CD3G: variants seen among roughly 807,000 people sequenced by gnomAD.
CD3G encodes the protein CD3 gamma subunit of T-cell receptor complex.
In CD3G, 24 loss-of-function variants were observed where a neutral mutation model predicts 28.3. That is an observed-to-expected ratio of 0.85 (90% CI 0.61 to 1.19). CD3G has a LOEUF of 1.19. CD3G is among the 50% of genes most tolerant of loss of function. The probability of loss-of-function intolerance (pLI) is 0.00; values close to 1 mark genes in which losing one functional copy is unlikely to be tolerated. For missense variants in CD3G, 211 were observed against 210.0 expected (o/e 1.00, Z -0.03); for synonymous variants, 71 against 75.9 (o/e 0.93, Z 0.34).
Position 118,349,742 on chromosome 11 carries a change from G to A in CD3G, c.80-1G>A. The A allele has an allele frequency of 2.5e-6, 4 of 1,612,016 alleles. No homozygotes were observed. Among genetic ancestry groups the A allele is most frequent in the Non-Finnish European group, 3.4e-6 (4 of 1,178,180 alleles). ...TAGAACCACGGCTTTTCTCATTTCA[G>A]GAAACCACTTGGTTAAGGTGTATGA... is the stretch of plus-strand genomic sequence containing the variant. On this transcript the variant is annotated splice_acceptor_variant, in intron 2 of 6. Transcript: ENST00000532917. LOFTEE classifies it high-confidence loss of function.
At chr11:118,348,912 T>C in intron 1 of CD3G, 115 bp from the exon 2 acceptor site, 1 of 1,199,914 alleles carries the variant, frequency 8.3e-7, no homozygotes, top group Non-Finnish European at 1.2e-6. Context: ...GATACTACCA[T>C]TTTCATGGAT....
intron 3 of CD3G, 31 bp from the exon 4 acceptor site, chr11:118,350,521 C>T: frequency 6.4e-7 from 1 of 1,558,010 alleles, no homozygotes; most frequent in East Asian, 2.2e-5. Context: ...ACTTTCGCAA[C>T]CTGAAGGTTT....
At chr11:118,349,371 C>T in intron 2 of CD3G, 1 of 1,105,682 alleles carries the variant, frequency 9.0e-7, no homozygotes. Flanking sequence ...CAATCCTTCT[C>T]TTTAGTTCAT....
rs1051979802 is a variant in CD3G, at chr11:118,349,505, T to C, written c.80-238T>C. On this transcript the variant is annotated intron_variant, in intron 2 of 6. Coordinates refer to ENST00000532917, the MANE Select transcript of CD3G (RefSeq NM_000073.3). ...TACCCCTACTAATTACAGCAATGTC[T>C]CTTTTATTCTTCACCCCCTGACGCA... 6 of 609,208 alleles carry C rather than the reference T, an allele frequency of 9.8e-6. No individual in the cohort carries two copies. The African/African-American group carries it at 1.1e-4, about 11-fold the overall frequency. 37.7% of individuals were successfully genotyped at this position (609,208 alleles called of 1,614,324 possible).
chr11:118,348,567 T>C (rs1023745512), intron 1 of CD3G, among the ~76,000 whole-genome samples: 1 of 152,134 alleles, frequency 6.6e-6, no homozygotes, highest in African/African-American at 2.4e-5. Context: ...TTTATTGAGG[T>C]ATCTTTACAT....
chr11:118,352,745 TC>T (rs1948421476), intron 6 of CD3G, among the ~76,000 whole-genome samples: 1 of 152,250 alleles, frequency 6.6e-6, no homozygotes, highest in Non-Finnish European at 1.5e-5. Context: ...TGAATATTAA[TC>T]TTAACCTACA....
rs989094471 is a variant in CD3G at position 118,353,942 on chromosome 11, C to T, written c.*842C>T. The T allele has an allele frequency of 2.6e-5, 4 of 152,160 alleles. No individual in the cohort carries two copies. The highest frequency in any genetic ancestry group is 9.7e-5 in the African/African-American group (4 of 41,436). The allele number at this position is 152,160 out of a possible 1,614,324, so 9.4% of individuals were successfully genotyped here. On this transcript the variant is annotated 3_prime_UTR_variant, in exon 7 of 7. Transcript: ENST00000532917. ...TATCTTTTAGACAAATGATATCAAA[C>T]TATACATCTTGTGAGATTATTGCAT...
chr11:118,347,493 A>G (rs1302630179), intron 1 of CD3G, among the ~76,000 whole-genome samples: 1 of 152,198 alleles, frequency 6.6e-6, no homozygotes, highest in Non-Finnish European at 1.5e-5. Context: ...CTTTTCTTTC[A>G]TAATATCTAA....
intron 1 of CD3G, among the ~76,000 whole-genome samples, chr11:118,344,752 G>A (rs1363808486): frequency 6.6e-6 from 1 of 152,242 alleles, no homozygotes. Flanking sequence ...AGATTTGAAT[G>A]CAGCCCAAAA....
intron 3 of CD3G, among the ~76,000 whole-genome samples, 157 bp from the exon 4 acceptor site, chr11:118,350,395 C>A (rs1280569704): frequency 6.6e-6 from 1 of 152,162 alleles, no homozygotes; most frequent in African/African-American, 2.4e-5. Flanking sequence ...CATCAAGATG[C>A]ATTGAGTTTT....
chr11:118,346,483 A>G (rs1384602445), intron 1 of CD3G, among the ~76,000 whole-genome samples: 1 of 152,030 alleles, frequency 6.6e-6, no homozygotes, highest in Non-Finnish European at 1.5e-5. Flanking sequence ...TGAACTCTTA[A>G]GTCCTAAAAG....
At chr11:118,351,832 A>G (rs778519467) in intron 5 of CD3G, among the ~76,000 whole-genome samples, 161 bp downstream of exon 5, 7 of 152,088 alleles carry the variant, frequency 4.6e-5, no homozygotes, top group Non-Finnish European at 8.8e-5. Flanking sequence ...ACTAAAGAGA[A>G]GGATTGACAG....
Position 118,350,640 on chromosome 11 carries a change from G to A in CD3G, c.396G>A (p.Gly132=). 6.8e-6 allele frequency: 11 copies of A among 1,613,796 alleles called. No homozygotes were observed. Among genetic ancestry groups the A allele is most frequent in the Non-Finnish European group, 9.3e-6 (11 of 1,179,972 alleles). ...TCAGCATTTTCGTCCTTGCTGTTGG[G>A]GTCTACTTCATTGCTGGACAGGATG... is the stretch of plus-strand genomic sequence containing the variant. ...EIVSIFVLAV[G]VYFIAGQDGV... Residue 132 remains glycine, a synonymous_variant, in exon 4 of 7, where the codon GGG becomes GGA. Coordinates refer to ENST00000532917, the MANE Select transcript of CD3G (RefSeq NM_000073.3).
At chr11:118,347,135 G>A (rs1276325115) in intron 1 of CD3G, among the ~76,000 whole-genome samples, 2 of 152,006 alleles carry the variant, frequency 1.3e-5, no homozygotes, top group Admixed American at 6.6e-5. Flanking sequence ...TTTGACTCAT[G>A]ACCGCCTCTC....
chr11:118,349,753 G>T lies in CD3G; in HGVS notation c.90G>T (p.Leu30Phe). ...TLAQSIKGNH[L>F]VKVYDYQEDG... ...CTTTTCTCATTTCAGGAAACCACTT[G>T]GTTAAGGTGTATGACTATCAAGAAG... is the stretch of plus-strand genomic sequence containing the variant. Residue 30 changes from leucine to phenylalanine, a missense_variant, in exon 3 of 7, where the codon TTG (leucine) becomes TTT (phenylalanine). Physicochemically the swap from Leu to Phe is conservative, Grantham distance 22. Coordinates refer to ENST00000532917, the MANE Select transcript of CD3G (RefSeq NM_000073.3). 1 of 1,613,364 alleles carries T rather than the reference G, an allele frequency of 6.2e-7. No individual in the cohort carries two copies. Among genetic ancestry groups the T allele is most frequent in the South Asian group, 1.1e-5 (1 of 91,040 alleles).
intron 1 of CD3G, among the ~76,000 whole-genome samples, chr11:118,348,112 G>T (rs1001186408): frequency 9.2e-5 from 14 of 152,188 alleles, no homozygotes; most frequent in African/African-American, 3.4e-4. Flanking sequence ...TTCTGGACTG[G>T]ATAGGCAATA....
At chr11:118,347,527 C>T (rs184520322) in intron 1 of CD3G, among the ~76,000 whole-genome samples, 5 of 152,248 alleles carry the variant, frequency 3.3e-5, no homozygotes, top group East Asian at 1.9e-4. Flanking sequence ...TAATAGTCCT[C>T]GTTAAATGTT....
rs200844236 is a variant in CD3G, at chr11:118,351,634, A to T, written c.446A>T (p.Asp149Val). The change falls in exon 5 of 7, where the codon GAC becomes GTC. Residue 149 changes from aspartate (D) to valine (V), a missense_variant. Transcript: ENST00000532917. ...CTGTTTCTTTTTTGTGCAGCTTCAG[A>T]CAAGCAGACTCTGTTGCCCAATGAC... ...QDGVRQSRAS[D>V]KQTLLPNDQL... 6.2e-7 allele frequency: 1 copy of T among 1,613,900 alleles called. No homozygotes were observed. The highest frequency in any genetic ancestry group is 8.5e-7 in the Non-Finnish European group (1 of 1,179,968).
chr11:118,349,666 T>G, intron 2 of CD3G, 77 bp from the exon 3 acceptor site: 1 of 1,080,552 alleles, frequency 9.3e-7, no homozygotes, highest in East Asian at 2.4e-5. Flanking sequence ...ACTACTCTAA[T>G]GATCTCCTGG....
Sources: gnomAD v4.1 joint callset for allele counts (sites outside exome capture counted in the v4.1 genomes callset) on GRCh38, gnomAD v4.1.1 for gene constraint, MANE v1.5 for transcripts, NCBI Gene and HGNC (gene_info 2026-07-23, HGNC 2026-07-21) for gene names.